Variants in NEK5 observed in about 807,000 individuals in gnomAD.
The protein encoded by NEK5 is NIMA related kinase 5.
In NEK5, 88 loss-of-function variants were observed where a neutral mutation model predicts 109.2. The observed-to-expected ratio is 0.81, with a 90% CI of 0.68 to 0.96. NEK5 has a LOEUF of 0.96. Ranked by LOEUF, NEK5 falls within the 40% of genes least tolerant of loss-of-function variation. The probability of loss-of-function intolerance (pLI) is 0.00; values close to 1 mark genes in which losing one functional copy is unlikely to be tolerated. For synonymous variants in NEK5, 283 were observed against 299.9 expected, an observed-to-expected ratio of 0.94 and a Z score of 0.58; for missense variants, 834 against 920.7, an observed-to-expected ratio of 0.91 and a Z score of 1.22.
intron 22 of NEK5, among the ~76,000 whole-genome samples, chr13:52,057,717 T>C (rs916100111): frequency 1.3e-5 from 2 of 152,084 alleles, no homozygotes; most frequent in South Asian, 2.1e-4. Flanking sequence ...ATTATCTCAA[T>C]AGATGCAGAA....
intron 1 of NEK5, among the ~76,000 whole-genome samples, chr13:52,128,238 G>C (rs1956107098): frequency 1.3e-5 from 2 of 151,676 alleles, no homozygotes; most frequent in Admixed American, 1.3e-4. Flanking sequence ...ATCAAGGCTT[G>C]ATTGCACTTC....
intron 19 of NEK5, among the ~76,000 whole-genome samples, chr13:52,073,496 T>C (rs1438318766): frequency 6.6e-6 from 1 of 152,062 alleles, no homozygotes; most frequent in Non-Finnish European, 1.5e-5. Context: ...TTTGTATTTT[T>C]AGTAGAGATG....
At chr13:52,128,677 G>A (rs1481223998) in intron 1 of NEK5, among the ~76,000 whole-genome samples, 1 of 152,152 alleles carries the variant, frequency 6.6e-6, no homozygotes, top group Non-Finnish European at 1.5e-5. Flanking sequence ...ACGGACTTGG[G>A]GCCGGGGGTG....
chr13:52,085,235 G>T (rs556464448), intron 16 of NEK5, among the ~76,000 whole-genome samples: 1 of 152,252 alleles, frequency 6.6e-6, no homozygotes, highest in East Asian at 1.9e-4. Context: ...AAGCTCTCTT[G>T]CCTGCCTTCA....
At chr13:52,063,216 ACACGCGTCGC>A (rs1424017291) in intron 21 of NEK5, among the ~76,000 whole-genome samples, 3 of 152,152 alleles carry the variant, frequency 2.0e-5, no homozygotes, top group Non-Finnish European at 4.4e-5. Flanking sequence ...GTGATTACAG[ACACGCGTCGC>A]CACGCCTGAC....
chr13:52,064,938 A>G (rs1003603538), intron 21 of NEK5: 88 of 268,754 alleles, frequency 3.3e-4, no homozygotes, highest in Admixed American at 4.9e-4. Context: ...CTCGTTAAGA[A>G]TCATCACCAC....
intron 22 of NEK5, among the ~76,000 whole-genome samples, chr13:52,056,123 AC>A (rs1555308276): frequency 1.6e-4 from 24 of 150,400 alleles, no homozygotes; most frequent in South Asian, 1.3e-3. Context: ...CAAATGGAAA[AC>A]AAAAAAAGGC....
intron 23 of NEK5, among the ~76,000 whole-genome samples, chr13:52,047,614 G>T (rs1449185580): frequency 6.6e-6 from 1 of 152,160 alleles, no homozygotes; most frequent in African/African-American, 2.4e-5. Context: ...GCCCAGGTGG[G>T]AGGATCACTT....
At chr13:52,038,915 A>G (rs1405505572) in intron 23 of NEK5, among the ~76,000 whole-genome samples, 1 of 151,930 alleles carries the variant, frequency 6.6e-6, no homozygotes, top group Non-Finnish European at 1.5e-5. Context: ...TATTTAGAGA[A>G]CATGGGGGCA....
chr13:52,066,615 C>A (rs1954694951), intron 20 of NEK5, among the ~76,000 whole-genome samples: 1 of 152,014 alleles, frequency 6.6e-6, no homozygotes, highest in South Asian at 2.1e-4. Flanking sequence ...ACCATCCTGG[C>A]CAACATGGTG....
chr13:52,072,954 G>A (rs1393398560), intron 19 of NEK5, among the ~76,000 whole-genome samples: 1 of 152,160 alleles, frequency 6.6e-6, no homozygotes, highest in Non-Finnish European at 1.5e-5. Context: ...CTAATAAAAT[G>A]AAATTTGGAT....
Position 52,093,228 on chromosome 13 carries a change from A to AT in NEK5, c.1033dup (p.Met345AsnfsTer15). 1 of 1,610,348 alleles carries AT rather than the reference A, an allele frequency of 6.2e-7. No individual in the cohort carries two copies. The highest frequency in any genetic ancestry group is 8.5e-7 in the Non-Finnish European group (1 of 1,176,872). On this transcript the variant is annotated frameshift_variant, in exon 13 of 24. Coordinates refer to ENST00000684899, the MANE Select transcript of NEK5 (RefSeq NM_001365552.1). LOFTEE classifies it high-confidence loss of function. ...AGCAGCAATTTTGGGTCTTTCTATC[A>AT]TTTTTATCTGAAGAAAACAAGAGGG...
intron 14 of NEK5, among the ~76,000 whole-genome samples, chr13:52,088,543 G>A (rs1001496621): frequency 7.2e-5 from 11 of 151,822 alleles, no homozygotes; most frequent in East Asian, 2.0e-4. Flanking sequence ...ATGAGCCACC[G>A]CACCTGGCCC....
At position 52,065,480 on chromosome 13, in the gene NEK5, T is replaced by C. The variant is rs1195612587; in HGVS notation, c.1975+4A>G. ...CTGACGACTGACGCTAAGCACAGAC[T>C]CACTGTCAGGCCCCGTGGGGCAGGT... On this transcript the variant is annotated splice_donor_region_variant and intron_variant, in intron 21 of 23. Coordinates refer to ENST00000684899, the MANE Select transcript of NEK5 (RefSeq NM_001365552.1). 3.1e-6 allele frequency: 5 copies of C among 1,614,024 alleles called. No individual in the cohort carries two copies. The highest frequency in any genetic ancestry group is 4.2e-6 in the Non-Finnish European group (5 of 1,179,964).
At chr13:52,106,817 A>G (rs1321522234) in intron 8 of NEK5, among the ~76,000 whole-genome samples, 1 of 152,106 alleles carries the variant, frequency 6.6e-6, no homozygotes, top group African/African-American at 2.4e-5. Context: ...TCACATACAT[A>G]AAAACTAACT....
intron 20 of NEK5, among the ~76,000 whole-genome samples, chr13:52,071,132 CAGAAT>C (rs1954776673): frequency 6.6e-6 from 1 of 152,032 alleles, no homozygotes; most frequent in Non-Finnish European, 1.5e-5. Flanking sequence ...AGAGACATCT[CAGAAT>C]AGACACTATG....
intron 3 of NEK5, among the ~76,000 whole-genome samples, chr13:52,120,363 AACT>A (rs1566829287): frequency 6.6e-6 from 1 of 152,128 alleles, no homozygotes; most frequent in African/African-American, 2.4e-5. Flanking sequence ...AAAAATTCCT[AACT>A]ACTATTTATT....
At chr13:52,048,585 TG>T (rs1954477942) in intron 23 of NEK5, among the ~76,000 whole-genome samples, 2 of 152,214 alleles carry the variant, frequency 1.3e-5, no homozygotes, top group Non-Finnish European at 2.9e-5. Context: ...ATCACATCAA[TG>T]CATGAATAGA....
intron 15 of NEK5, 131 bp from the exon 16 acceptor site, chr13:52,086,494 A>G (rs1248511319): frequency 3.1e-6 from 2 of 654,330 alleles, no homozygotes; most frequent in Non-Finnish European, 5.4e-6. Context: ...GCTCCTAAAG[A>G]TGATAATCTG....
Sources: allele counts gnomAD v4.1 joint callset (sites outside exome capture counted in the v4.1 genomes callset), GRCh38; gene constraint gnomAD v4.1.1; transcripts MANE v1.5; gene names NCBI Gene and HGNC (gene_info 2026-07-23, HGNC 2026-07-21).